The following AGBL4 variants were observed in gnomAD, a reference collection of about 807,000 sequenced individuals.
AGBL4 encodes the protein cytosolic carboxypeptidase 6.
Under a neutral mutation model 66.4 loss-of-function variants are expected in AGBL4, and 58 were observed. The ratio of observed to expected loss-of-function variants is 0.87; its 90% CI spans 0.71 to 1.09. The LOEUF (loss-of-function observed/expected upper bound fraction) is 1.09, where lower values mean the gene tolerates loss of function less well. AGBL4 is among the 50% of genes least tolerant of loss of function. The pLI is 0.00. For synonymous variants in AGBL4, 234 were observed against 222.9 expected, an observed-to-expected ratio of 1.05 and a Z score of -0.44; for missense variants, 579 against 631.0, an observed-to-expected ratio of 0.92 and a Z score of 0.88.
intron 1 of AGBL4, among the ~76,000 whole-genome samples, chr1:49,862,938 C>T (rs1353830242): frequency 6.6e-6 from 1 of 152,036 alleles, no homozygotes; most frequent in Non-Finnish European, 1.5e-5. Context: ...TGTTAATGAG[C>T]AATAAGTAAT....
chr1:49,987,632 C>T (rs928517093), intron 1 of AGBL4, among the ~76,000 whole-genome samples: 1 of 151,944 alleles, frequency 6.6e-6, no homozygotes, highest in African/African-American at 2.4e-5. Context: ...TAAGACAACT[C>T]CAAATCTAAG....
intron 3 of AGBL4, among the ~76,000 whole-genome samples, chr1:49,341,991 G>T (rs2148506164): frequency 6.6e-6 from 1 of 152,186 alleles, no homozygotes; most frequent in South Asian, 2.1e-4. Flanking sequence ...TGGCTTCCCT[G>T]GTTTACTGGT....
chr1:49,681,455 G>A (rs1384975155), intron 3 of AGBL4, among the ~76,000 whole-genome samples: 3 of 152,098 alleles, frequency 2.0e-5, no homozygotes, highest in Non-Finnish European at 4.4e-5. Context: ...GAAGGATGAA[G>A]GGACCATGTT....
chr1:48,551,647 T>C (rs987388741), intron 11 of AGBL4, among the ~76,000 whole-genome samples: 2 of 152,094 alleles, frequency 1.3e-5, no homozygotes, highest in African/African-American at 4.8e-5. Context: ...AAACTATTTG[T>C]AAAATTCTGT....
chr1:49,977,419 T>A (rs751007908), intron 1 of AGBL4, among the ~76,000 whole-genome samples: 1 of 152,256 alleles, frequency 6.6e-6, no homozygotes, highest in Non-Finnish European at 1.5e-5. Context: ...TATTATCTTC[T>A]GTAGACATAA....
At chr1:48,721,258 C>T (rs1647142286) in intron 6 of AGBL4, among the ~76,000 whole-genome samples, 1 of 152,128 alleles carries the variant, frequency 6.6e-6, no homozygotes, top group Non-Finnish European at 1.5e-5. Flanking sequence ...GTAAGAGACC[C>T]TCACAGTCCC....
At chr1:49,129,232 G>A (rs1645831789) in intron 4 of AGBL4, among the ~76,000 whole-genome samples, 1 of 151,962 alleles carries the variant, frequency 6.6e-6, no homozygotes, top group African/African-American at 2.4e-5. Flanking sequence ...AGAGAAACCT[G>A]AACTTTTATA....
intron 3 of AGBL4, among the ~76,000 whole-genome samples, chr1:49,542,449 A>G (rs1652121728): frequency 6.6e-6 from 1 of 152,184 alleles, no homozygotes; most frequent in African/African-American, 2.4e-5. Context: ...CAGAAGGAAC[A>G]AACTCCGGAC....
At chr1:49,647,703 G>C (rs558201909) in intron 3 of AGBL4, among the ~76,000 whole-genome samples, 3 of 152,106 alleles carry the variant, frequency 2.0e-5, no homozygotes, top group South Asian at 2.1e-4. Context: ...TATGTAATCA[G>C]AGCCTAACCT....
chr1:48,667,247 T>A (rs1219724575), intron 6 of AGBL4, among the ~76,000 whole-genome samples: 1 of 152,194 alleles, frequency 6.6e-6, no homozygotes, highest in African/African-American at 2.4e-5. Flanking sequence ...GTGCCACTTC[T>A]GAGATTAAGG....
intron 4 of AGBL4, among the ~76,000 whole-genome samples, chr1:49,245,565 T>C (rs1030613471): frequency 1.5e-4 from 23 of 151,840 alleles, no homozygotes; most frequent in Admixed American, 9.2e-4. Flanking sequence ...AGAATGGCCA[T>C]ACAGAAACTC....
At chr1:49,969,515 C>A (rs1467247454) in intron 1 of AGBL4, among the ~76,000 whole-genome samples, 1 of 152,044 alleles carries the variant, frequency 6.6e-6, no homozygotes, top group Non-Finnish European at 1.5e-5. Flanking sequence ...TTAACTAATA[C>A]CTCCCCATTT....
chr1:49,066,737 C>G (rs1644498960), intron 4 of AGBL4, among the ~76,000 whole-genome samples: 1 of 152,064 alleles, frequency 6.6e-6, no homozygotes, highest in Admixed American at 6.5e-5. Context: ...GTAGCTATAC[C>G]AGGATCTATG....
intron 1 of AGBL4, among the ~76,000 whole-genome samples, chr1:50,022,174 A>C (rs7551576): frequency 0.93 from 141,937 of 152,222 alleles, 66,932 homozygotes; most frequent in East Asian, 1. Flanking sequence ...ACACTTAGAA[A>C]AGTTCTAGAC....
intron 3 of AGBL4, among the ~76,000 whole-genome samples, chr1:49,255,408 G>A (rs1470083267): frequency 1.3e-5 from 2 of 151,930 alleles, no homozygotes; most frequent in East Asian, 1.9e-4. Context: ...CAAAAATCAT[G>A]GAAAAAAGCT....
intron 3 of AGBL4, among the ~76,000 whole-genome samples, chr1:49,489,986 A>G (rs1233264851): frequency 4.0e-5 from 6 of 151,810 alleles, no homozygotes; most frequent in Non-Finnish European, 7.4e-5. Flanking sequence ...GAAATAAGAA[A>G]TAATTTTGTT....
chr1:49,222,337 A>G (rs1364800711), intron 4 of AGBL4, among the ~76,000 whole-genome samples: 1 of 152,160 alleles, frequency 6.6e-6, no homozygotes, highest in Non-Finnish European at 1.5e-5. Flanking sequence ...CAGGGAAAAT[A>G]GAGCACAATC....
At chr1:48,650,454 C>T (rs1361160432) in intron 8 of AGBL4, among the ~76,000 whole-genome samples, 5 of 139,732 alleles carry the variant, frequency 3.6e-5, no homozygotes, top group African/African-American at 1.6e-4. Context: ...ACCTTCCTTC[C>T]TTCCTTCCTT....
At chr1:48,990,072 T>TATCA (rs1660490113) in intron 5 of AGBL4, among the ~76,000 whole-genome samples, 2 of 152,308 alleles carry the variant, frequency 1.3e-5, no homozygotes, top group South Asian at 4.1e-4. Context: ...ATATAAGCCA[T>TATCA]TCTAGCGGGG....
Sources: gnomAD v4.1 joint callset for allele counts (sites outside exome capture counted in the v4.1 genomes callset) on GRCh38, gnomAD v4.1.1 for gene constraint, MANE v1.5 for transcripts, NCBI Gene and HGNC (gene_info 2026-07-23, HGNC 2026-07-21) for gene names.